TRAPPC8: variants seen among roughly 807,000 people sequenced by gnomAD.
The protein encoded by TRAPPC8 is general sporulation gene 1 homolog.
In TRAPPC8, 54 loss-of-function variants were observed where a neutral mutation model predicts 174.3. The ratio of observed to expected loss-of-function variants is 0.31; its 90% CI spans 0.25 to 0.39. The LOEUF (loss-of-function observed/expected upper bound fraction) is 0.39, where lower values mean the gene tolerates loss of function less well. Ranked by LOEUF, TRAPPC8 falls within the 10% of genes least tolerant of loss-of-function variation. TRAPPC8 has a pLI of 1.00. For missense variants in TRAPPC8, 1,531 were observed against 1,699.1 expected (o/e 0.90, Z 1.74); for synonymous variants, 630 against 579.9 (o/e 1.09, Z -1.24).
At chr18:31,935,665 G>A (rs1598765524) in intron 1 of TRAPPC8, among the ~76,000 whole-genome samples, 1 of 151,154 alleles carries the variant, frequency 6.6e-6, no homozygotes, top group Admixed American at 6.6e-5. Context: ...CATTTTAGGA[G>A]GCTAAAGCAG....
intron 11 of TRAPPC8, among the ~76,000 whole-genome samples, chr18:31,893,433 C>G (rs1408989928): frequency 6.6e-6 from 1 of 151,694 alleles, no homozygotes; most frequent in East Asian, 1.9e-4. Context: ...GTGTGTGTTA[C>G]CCTGGTTTCA....
chr18:31,911,236 G>T (rs1478033604), intron 5 of TRAPPC8, among the ~76,000 whole-genome samples: 1 of 152,158 alleles, frequency 6.6e-6, no homozygotes, highest in Non-Finnish European at 1.5e-5. Flanking sequence ...GAATTTCTAG[G>T]CCAGGCGCTG....
intron 14 of TRAPPC8, among the ~76,000 whole-genome samples, chr18:31,871,439 A>T (rs946946387): frequency 2.0e-5 from 3 of 152,094 alleles, no homozygotes; most frequent in Non-Finnish European, 4.4e-5. Context: ...CTAAAATTTA[A>T]CAAATGTCAA....
At chr18:31,869,809 C>T (rs1187068478) in intron 16 of TRAPPC8, among the ~76,000 whole-genome samples, 1 of 152,146 alleles carries the variant, frequency 6.6e-6, no homozygotes, top group Non-Finnish European at 1.5e-5. Context: ...AACTGGAAGG[C>T]CGGGCGCGGT....
At chr18:31,870,554 T>G (rs1403815786) in intron 15 of TRAPPC8, 52 bp from the exon 16 acceptor site, 1 of 1,555,162 alleles carries the variant, frequency 6.4e-7, no homozygotes, top group African/African-American at 1.4e-5. Context: ...CACACCTCAT[T>G]CTCAGCTTCG....
intron 26 of TRAPPC8, among the ~76,000 whole-genome samples, chr18:31,842,744 G>A (rs2033176345): frequency 6.6e-6 from 1 of 152,136 alleles, no homozygotes; most frequent in African/African-American, 2.4e-5. Flanking sequence ...GACACTCACA[G>A]GAAATGCTCT....
intron 22 of TRAPPC8, 56 bp downstream of exon 22, chr18:31,853,793 G>A: frequency 7.5e-7 from 1 of 1,337,682 alleles, no homozygotes; most frequent in South Asian, 1.3e-5. Context: ...TACTATTCTG[G>A]AAAACCAAGT....
chr18:31,856,121 T>C (rs148955348), intron 20 of TRAPPC8, among the ~76,000 whole-genome samples: 2 of 152,176 alleles, frequency 1.3e-5, no homozygotes, highest in Admixed American at 1.3e-4. Context: ...TCTTTTTTTT[T>C]TGAGACAGAG....
At chr18:31,833,862 C>T (rs1042996326) in intron 27 of TRAPPC8, among the ~76,000 whole-genome samples, 10 of 151,692 alleles carry the variant, frequency 6.6e-5, no homozygotes, top group African/African-American at 2.2e-4. Flanking sequence ...AGTAGCCGGG[C>T]GTGGTGGCAG....
rs144259519 is a variant in TRAPPC8, at chr18:31,908,887, C to A, written c.989G>T (p.Gly330Val). Residue 330 changes from glycine (G) to valine (V), a missense_variant, in exon 7 of 29, where the codon GGA (glycine) becomes GTA (valine). Gly to Val is a moderately radical substitution (Grantham distance 109). Transcript: ENST00000283351. Reference sequence around the variant, plus strand: ...TGCACCATGAATTATTCCAGTATTTCCTTTCTTTGTTTCATGTAACGATGA... The same window carrying A: ...TGCACCATGAATTATTCCAGTATTTACTTTCTTTGTTTCATGTAACGATGA... Reference protein sequence around the residue: ...SASSLHETKKGNTGIIHGACL... With the variant: ...SASSLHETKKVNTGIIHGACL... The A allele has an allele frequency of 1.9e-4, 309 of 1,613,772 alleles. No homozygotes were observed. Among genetic ancestry groups the A allele is most frequent in the Middle Eastern group, 5.0e-4 (3 of 6,058 alleles).
intron 27 of TRAPPC8, among the ~76,000 whole-genome samples, chr18:31,834,619 C>A (rs925928239): frequency 6.6e-6 from 1 of 152,146 alleles, no homozygotes; most frequent in Non-Finnish European, 1.5e-5. Context: ...GATTCTACCT[C>A]TTGGGTTTGT....
intron 11 of TRAPPC8, among the ~76,000 whole-genome samples, chr18:31,893,185 C>T (rs1305412255): frequency 1.3e-5 from 2 of 151,978 alleles, no homozygotes; most frequent in Admixed American, 1.3e-4. Flanking sequence ...TGTAAGAGCC[C>T]TTGTATGCTC....
intron 18 of TRAPPC8, 103 bp downstream of exon 18, chr18:31,866,746 G>A (rs1365043202): frequency 1.3e-5 from 17 of 1,308,530 alleles, no homozygotes; most frequent in East Asian, 2.6e-5. Flanking sequence ...TTTACTTAAC[G>A]ATACATTAAA....
At chr18:31,901,698 A>G (rs1343677894) in intron 9 of TRAPPC8, among the ~76,000 whole-genome samples, 1 of 152,238 alleles carries the variant, frequency 6.6e-6, no homozygotes, top group Non-Finnish European at 1.5e-5. Flanking sequence ...CATGGGGAGC[A>G]AAGACTGCCT....
intron 2 of TRAPPC8, among the ~76,000 whole-genome samples, chr18:31,921,301 C>T (rs1371623093): frequency 6.6e-6 from 1 of 152,044 alleles, no homozygotes; most frequent in African/African-American, 2.4e-5. Flanking sequence ...GGAGAGGGAT[C>T]GACCAAGTGC....
chr18:31,898,601 T>G (rs1003759099), intron 10 of TRAPPC8, among the ~76,000 whole-genome samples: 10 of 152,364 alleles, frequency 6.6e-5, no homozygotes, highest in African/African-American at 2.4e-4. Flanking sequence ...TTGAGAAATA[T>G]TTAGGTATTT....
chr18:31,883,465 G>A (rs2035558965), intron 12 of TRAPPC8: 1 of 152,138 alleles, frequency 6.6e-6, no homozygotes, highest in Admixed American at 6.5e-5. Flanking sequence ...GTAACAGCTA[G>A]AAGACTTCCC....
chr18:31,919,594 T>A (rs79700433), intron 2 of TRAPPC8, among the ~76,000 whole-genome samples: 60 of 60,708 alleles, frequency 9.9e-4, no homozygotes, highest in Middle Eastern at 7.0e-3. Flanking sequence ...ATAAATAAAA[T>A]AATAATAATC....
In TRAPPC8 at chr18:31,829,804, T is replaced by A. The variant is rs75434730; in HGVS notation, c.*951A>T. ...CTCCTTCTCCAATGACAAGAGATAT[T>A]CATTGAAACAACCTTGCTCCCATTT... On this transcript the variant is annotated 3_prime_UTR_variant, in exon 29 of 29. Coordinates refer to ENST00000283351, the MANE Select transcript of TRAPPC8 (RefSeq NM_014939.5). 6.6e-6 allele frequency: 1 copy of A among 152,472 alleles called. No homozygotes were observed. Among genetic ancestry groups the A allele is most frequent in the Non-Finnish European group, 1.5e-5 (1 of 68,062 alleles). The allele number at this position is 152,472 out of a possible 1,614,324, so 9.4% of individuals were successfully genotyped here.
Sources: gnomAD v4.1 joint callset for allele counts (sites outside exome capture counted in the v4.1 genomes callset) on GRCh38, gnomAD v4.1.1 for gene constraint, MANE v1.5 for transcripts, NCBI Gene and HGNC (gene_info 2026-07-23, HGNC 2026-07-21) for gene names.